Variants in CUL1 observed in about 807,000 individuals in gnomAD.
The protein encoded by CUL1 is cullin 1.
In CUL1, 24 loss-of-function variants were observed where a neutral mutation model predicts 118.0. That is an observed-to-expected ratio of 0.20 (90% CI 0.15 to 0.29). The LOEUF is 0.29. CUL1 is among the 10% of genes least tolerant of loss of function. The pLI is 1.00. For synonymous variants in CUL1, 332 were observed against 340.4 expected, an observed-to-expected ratio of 0.98 and a Z score of 0.27; for missense variants, 361 against 933.8, an observed-to-expected ratio of 0.39 and a Z score of 7.99.
chr7:148,736,401 T>C (rs1394758423), intron 2 of CUL1, among the ~76,000 whole-genome samples: 4 of 152,160 alleles, frequency 2.6e-5, no homozygotes, highest in Non-Finnish European at 2.9e-5. Context: ...TGGACTCAAG[T>C]GATTCCACCC....
chr7:148,786,509 G>A lies in CUL1; in HGVS notation c.1299-42G>A, dbSNP rs145588250. The A allele has an allele frequency of 8.1e-5, 122 of 1,497,320 alleles. No homozygotes were observed. The African/African-American group carries it at 9.0e-4, about 11-fold the overall frequency. The allele number at this position is 1,497,320 out of a possible 1,614,324, so 92.8% of individuals were successfully genotyped here. On this transcript the variant is annotated intron_variant, in intron 11 of 21. Transcript: ENST00000325222. ...CTGGCTAAGTGGTGCTTGTTTAAAC[G>A]TACTGATGTTTTAAAACATGGTATC...
chr7:148,743,317 C>G (rs951435426), intron 2 of CUL1, among the ~76,000 whole-genome samples: 1 of 152,168 alleles, frequency 6.6e-6, no homozygotes, highest in African/African-American at 2.4e-5. Context: ...CCATCTCTCT[C>G]CCATCTCCCT....
chr7:148,708,978 C>T (rs1797969300), intron 1 of CUL1, among the ~76,000 whole-genome samples: 1 of 152,180 alleles, frequency 6.6e-6, no homozygotes, highest in Non-Finnish European at 1.5e-5. Context: ...CCATATATTA[C>T]ACTAAAGTTT....
intron 2 of CUL1, among the ~76,000 whole-genome samples, chr7:148,743,650 T>C (rs243497): frequency 0.36 from 55,123 of 152,142 alleles, 10,094 homozygotes; most frequent in South Asian, 0.46. Context: ...ACATCTGTAA[T>C]CCCAGCACAT....
At chr7:148,724,522 A>G (rs1164591398) in intron 1 of CUL1, among the ~76,000 whole-genome samples, 1 of 152,224 alleles carries the variant, frequency 6.6e-6, no homozygotes, top group Non-Finnish European at 1.5e-5. Flanking sequence ...GTGGAAGCAC[A>G]GCTGGCTCTG....
intron 1 of CUL1, among the ~76,000 whole-genome samples, chr7:148,709,989 G>C (rs899444481): frequency 6.6e-6 from 1 of 152,002 alleles, no homozygotes; most frequent in African/African-American, 2.4e-5. Flanking sequence ...AGGCTGAGGT[G>C]GGGGGATCGC....
chr7:148,706,302 G>T (rs1228678783), intron 1 of CUL1, among the ~76,000 whole-genome samples: 1 of 152,180 alleles, frequency 6.6e-6, no homozygotes, highest in African/African-American at 2.4e-5. Context: ...CAAAGACTGT[G>T]CCGAGCTTGC....
At chr7:148,706,244 C>T (rs1797877072) in intron 1 of CUL1, among the ~76,000 whole-genome samples, 1 of 152,180 alleles carries the variant, frequency 6.6e-6, no homozygotes. Flanking sequence ...TGGACCCAAG[C>T]ATTTCAGATA....
chr7:148,707,968 G>T (rs1196818485), intron 1 of CUL1, among the ~76,000 whole-genome samples: 1 of 152,146 alleles, frequency 6.6e-6, no homozygotes, highest in Non-Finnish European at 1.5e-5. Context: ...CTGAGTAGGG[G>T]CCACATCGCT....
chr7:148,780,471 G>A (rs896075467), intron 9 of CUL1, among the ~76,000 whole-genome samples: 1 of 152,250 alleles, frequency 6.6e-6, no homozygotes, highest in Non-Finnish European at 1.5e-5. Flanking sequence ...TCGGAAAGCA[G>A]GAACTGAGTC....
chr7:148,773,651 C>T (rs1294539298), intron 9 of CUL1, among the ~76,000 whole-genome samples: 1 of 152,182 alleles, frequency 6.6e-6, no homozygotes, highest in Non-Finnish European at 1.5e-5. Flanking sequence ...CTCTTGACCC[C>T]GCTGCGTGTG....
intron 2 of CUL1, among the ~76,000 whole-genome samples, chr7:148,734,744 A>G (rs1335275765): frequency 6.6e-6 from 1 of 152,174 alleles, no homozygotes; most frequent in Non-Finnish European, 1.5e-5. Context: ...AAGGGGATGC[A>G]GTGAAGTATG....
intron 1 of CUL1, among the ~76,000 whole-genome samples, chr7:148,703,114 G>C (rs1291291888): frequency 1.3e-5 from 2 of 152,180 alleles, no homozygotes; most frequent in African/African-American, 4.8e-5. Context: ...TTCCCTGAGT[G>C]TTTGACTAGT....
At chr7:148,766,139 T>C (rs557990965) in intron 7 of CUL1, among the ~76,000 whole-genome samples, 1 of 152,382 alleles carries the variant, frequency 6.6e-6, no homozygotes, top group Non-Finnish European at 1.5e-5. Context: ...TTTTTCTTTC[T>C]GTTTTTTGAG....
chr7:148,740,187 G>A (rs1799097231), intron 2 of CUL1, among the ~76,000 whole-genome samples: 1 of 151,888 alleles, frequency 6.6e-6, no homozygotes, highest in Non-Finnish European at 1.5e-5. Context: ...TGAGTAGCTG[G>A]GATTACAGAC....
intron 1 of CUL1, among the ~76,000 whole-genome samples, chr7:148,725,217 G>GCACACACACACACACACA (rs1204605614): frequency 7.3e-4 from 55 of 75,580 alleles, no homozygotes; most frequent in African/African-American, 2.1e-3. Flanking sequence ...ACACACGCGC[G>GCACACACACACACACACA]CGCTCACACA....
chr7:148,698,981 G>T lies in CUL1; in HGVS notation c.-210G>T. The T allele has an allele frequency of 6.5e-6, 1 of 153,790 alleles. No homozygotes were observed. Among genetic ancestry groups the T allele is most frequent in the South Asian group, 1.8e-4 (1 of 5,592 alleles). The allele number at this position is 153,790 out of a possible 1,614,324, so 9.5% of individuals were successfully genotyped here. On this transcript the variant is annotated 5_prime_UTR_variant, in exon 1 of 22. Transcript: ENST00000325222. ...GCTTTCGCCGGGGCCCAGGCCCAGG[G>T]ACCAGGCGGAGGCGTCGCGGGAGCC...
intron 2 of CUL1, among the ~76,000 whole-genome samples, chr7:148,749,670 A>G (rs1262852439): frequency 1.3e-5 from 2 of 152,060 alleles, no homozygotes; most frequent in Non-Finnish European, 2.9e-5. Context: ...CTGAGACACA[A>G]CAATCTTGAG....
chr7:148,700,005 G>A, intron 1 of CUL1, among the ~76,000 whole-genome samples: 1 of 152,190 alleles, frequency 6.6e-6, no homozygotes, highest in East Asian at 1.9e-4. Context: ...AGGAATGCTT[G>A]TAGACATTCC....
Sources: gnomAD v4.1 joint callset for allele counts (sites outside exome capture counted in the v4.1 genomes callset) on GRCh38, gnomAD v4.1.1 for gene constraint, MANE v1.5 for transcripts, NCBI Gene and HGNC (gene_info 2026-07-23, HGNC 2026-07-21) for gene names.